The following TNFRSF10A variants were observed in gnomAD, a reference collection of about 807,000 sequenced individuals.
TNFRSF10A encodes TNF receptor superfamily member 10a.
In TNFRSF10A, 44 loss-of-function variants were observed where a neutral mutation model predicts 42.8. The ratio of observed to expected loss-of-function variants is 1.03; its 90% confidence interval spans 0.81 to 1.32. The LOEUF (loss-of-function observed/expected upper bound fraction) is 1.32, where lower values mean the gene tolerates loss of function less well. Ranked by LOEUF, TNFRSF10A falls within the 40% of genes most tolerant of loss-of-function variation. The probability of loss-of-function intolerance (pLI) is 0.00; values close to 1 mark genes in which losing one functional copy is unlikely to be tolerated. For synonymous variants in TNFRSF10A, 259 were observed against 234.2 expected, an observed-to-expected ratio of 1.11 and a Z score of -0.97; for missense variants, 680 against 602.0, an observed-to-expected ratio of 1.13 and a Z score of -1.36.
At chr8:23,198,185 G>A (rs1330027629) in intron 8 of TNFRSF10A, among the ~76,000 whole-genome samples, 1 of 152,094 alleles carries the variant, frequency 6.6e-6, no homozygotes, top group Non-Finnish European at 1.5e-5. Context: ...GCAGCTCAAA[G>A]GGGTTGGAAA....
intron 9 of TNFRSF10A, among the ~76,000 whole-genome samples, chr8:23,192,325 G>A (rs766983759): frequency 2.0e-5 from 3 of 152,240 alleles, no homozygotes; most frequent in Non-Finnish European, 4.4e-5. Context: ...GTGAGAGCCC[G>A]AGGGAGGGAG....
At chr8:23,215,709 C>A (rs987261375) in intron 1 of TNFRSF10A, among the ~76,000 whole-genome samples, 3 of 152,076 alleles carry the variant, frequency 2.0e-5, no homozygotes, top group Admixed American at 1.3e-4. Context: ...TAAGATCCCA[C>A]TATTTTCCTT....
At chr8:23,223,102 G>A (rs1801279981) in intron 1 of TNFRSF10A, among the ~76,000 whole-genome samples, 1 of 152,144 alleles carries the variant, frequency 6.6e-6, no homozygotes, top group South Asian at 2.1e-4. Context: ...GTCTCCCTCT[G>A]TCGCCCAGGC....
Position 23,191,445 on chromosome 8 carries a change from C to T in TNFRSF10A, c.*249G>A. The T allele has an allele frequency of 3.4e-6, 2 of 582,682 alleles. No homozygotes were observed. Among genetic ancestry groups the T allele is most frequent in the Non-Finnish European group, 5.9e-6 (2 of 336,944 alleles). The allele number at this position is 582,682 out of a possible 1,614,324, so 36.1% of individuals were successfully genotyped here. On this transcript the variant is annotated 3_prime_UTR_variant, in exon 10 of 10. Coordinates refer to ENST00000221132, the MANE Select transcript of TNFRSF10A (RefSeq NM_003844.4). Reference sequence around the variant, plus strand: ...TCCCGAGTAGCCGAGAATATATGCACACACCATCACATCCAGTTAATTTTT... The same window carrying T: ...TCCCGAGTAGCCGAGAATATATGCATACACCATCACATCCAGTTAATTTTT...
chr8:23,201,661 C>G (rs1800919609), intron 4 of TNFRSF10A, 147 bp downstream of exon 4: 1 of 705,016 alleles, frequency 1.4e-6, no homozygotes, highest in South Asian at 1.7e-5. Context: ...TCAGGAGACG[C>G]CACAGGCTCA....
intron 9 of TNFRSF10A, among the ~76,000 whole-genome samples, chr8:23,194,663 T>TA (rs1800799461): frequency 6.6e-6 from 1 of 152,142 alleles, no homozygotes; most frequent in Non-Finnish European, 1.5e-5. Flanking sequence ...CACTGGCTAT[T>TA]AAAAAAATGG....
intron 9 of TNFRSF10A, among the ~76,000 whole-genome samples, chr8:23,195,054 G>A (rs896681462): frequency 1.3e-5 from 2 of 152,200 alleles, no homozygotes; most frequent in Non-Finnish European, 2.9e-5. Context: ...AGCTACTCAG[G>A]AGGCTGAGGC....
In TNFRSF10A at chr8:23,224,740, C is replaced by A; in HGVS notation, c.306+16G>T. ...AGGCGCGCTTTTCCCCAGGCAGGAC[C>A]GCGGTGGGGACTCACCTGCAGCAGG... is the stretch of plus-strand genomic sequence containing the variant. On this transcript the variant is annotated intron_variant, in intron 1 of 9. Coordinates refer to ENST00000221132, the MANE Select transcript of TNFRSF10A (RefSeq NM_003844.4). The A allele has an allele frequency of 6.4e-7, 1 of 1,556,866 alleles. No individual in the cohort carries two copies. The highest frequency in any genetic ancestry group is 8.7e-7 in the Non-Finnish European group (1 of 1,150,710).
chr8:23,193,317 G>A (rs138008210), intron 9 of TNFRSF10A, among the ~76,000 whole-genome samples: 37 of 152,320 alleles, frequency 2.4e-4, no homozygotes, highest in Admixed American at 5.2e-4. Flanking sequence ...GGCTGGAGGT[G>A]AGTTTCAGTC....
At chr8:23,196,547 A>G (rs974919401) in intron 9 of TNFRSF10A, among the ~76,000 whole-genome samples, 2 of 152,132 alleles carry the variant, frequency 1.3e-5, no homozygotes, top group Admixed American at 1.3e-4. Context: ...TTAGTCCATC[A>G]GGGGACATGA....
intron 1 of TNFRSF10A, among the ~76,000 whole-genome samples, chr8:23,215,399 T>A (rs970886782): frequency 1.3e-5 from 2 of 152,024 alleles, no homozygotes; most frequent in African/African-American, 4.8e-5. Flanking sequence ...TCCCAGCTAC[T>A]CCAGAGGCTG....
At chr8:23,219,824 A>C (rs1801233697) in intron 1 of TNFRSF10A, among the ~76,000 whole-genome samples, 1 of 152,234 alleles carries the variant, frequency 6.6e-6, no homozygotes, top group Non-Finnish European at 1.5e-5. Context: ...GACCTAAGCC[A>C]CACAAATATA....
At chr8:23,213,066 A>G (rs1405339406) in intron 1 of TNFRSF10A, among the ~76,000 whole-genome samples, 2 of 152,208 alleles carry the variant, frequency 1.3e-5, no homozygotes, top group Non-Finnish European at 2.9e-5. Context: ...TATGGATTCT[A>G]TCTCCTTACT....
chr8:23,212,008 G>T, intron 2 of TNFRSF10A, 108 bp downstream of exon 2: 1 of 1,006,284 alleles, frequency 9.9e-7, no homozygotes, highest in Admixed American at 2.2e-5. Context: ...AAAACTTGAA[G>T]AACATGGAAA....
chr8:23,215,181 T>C (rs1439894991), intron 1 of TNFRSF10A, among the ~76,000 whole-genome samples: 2 of 151,236 alleles, frequency 1.3e-5, no homozygotes, highest in Non-Finnish European at 1.5e-5. Context: ...ATCTTTTCTG[T>C]AATTGGGAGA....
At chr8:23,210,059 T>C (rs544593062) in intron 2 of TNFRSF10A, among the ~76,000 whole-genome samples, 2 of 152,282 alleles carry the variant, frequency 1.3e-5, no homozygotes, top group Admixed American at 1.3e-4. Context: ...TATCTGATGG[T>C]TATTATAAGG....
chr8:23,218,578 A>T (rs917370905), intron 1 of TNFRSF10A, among the ~76,000 whole-genome samples: 1 of 151,866 alleles, frequency 6.6e-6, no homozygotes, highest in African/African-American at 2.4e-5. Context: ...GGTCTGGGGG[A>T]AGCCACTTCT....
rs995313012 is a variant in TNFRSF10A, at chr8:23,191,053, C to G, written c.*641G>C. 9.2e-5 allele frequency: 14 copies of G among 152,074 alleles called. No homozygotes were observed. Among genetic ancestry groups the G allele is most frequent in the Admixed American group, 9.2e-4 (14 of 15,248 alleles). 9.4% of individuals were successfully genotyped at this position (152,074 alleles called of 1,614,324 possible). On this transcript the variant is annotated 3_prime_UTR_variant, in exon 10 of 10. Coordinates refer to ENST00000221132, the MANE Select transcript of TNFRSF10A (RefSeq NM_003844.4). ...CCCCAGTCTGTCGGACGGTGCCCCC[C>G]CAAATTAAGGGTAGGTCTTTTCCAC...
Position 23,191,632 on chromosome 8 carries a change from A to G in TNFRSF10A, c.*62T>C. 6.8e-7 allele frequency: 1 copy of G among 1,473,274 alleles called. No homozygotes were observed. Among genetic ancestry groups the G allele is most frequent in the East Asian group, 2.4e-5 (1 of 41,248 alleles). 91.3% of individuals were successfully genotyped at this position (1,473,274 alleles called of 1,614,324 possible). On this transcript the variant is annotated 3_prime_UTR_variant, in exon 10 of 10. Transcript: ENST00000221132. ...TACTTTGTATACATGTTAAAAAAAAAAAAAACCTAATATGTATTAACTCCT... is the reference window on the plus strand; with the variant it reads ...TACTTTGTATACATGTTAAAAAAAAGAAAAACCTAATATGTATTAACTCCT...
Sources: allele counts gnomAD v4.1 joint callset (sites outside exome capture counted in the v4.1 genomes callset), GRCh38; gene constraint gnomAD v4.1.1; transcripts MANE v1.5; gene names NCBI Gene and HGNC (gene_info 2026-07-23, HGNC 2026-07-21).